The following KCNT2 variants were observed in gnomAD, a reference collection of about 807,000 sequenced individuals.
The protein encoded by KCNT2 is potassium channel subfamily T member 2.
In KCNT2, 67 loss-of-function variants were observed where a neutral mutation model predicts 153.8. The ratio of observed to expected loss-of-function variants is 0.44; its 90% CI spans 0.36 to 0.53. The LOEUF (loss-of-function observed/expected upper bound fraction) is 0.53. Ranked by LOEUF, KCNT2 falls within the 20% of genes least tolerant of loss-of-function variation. The pLI, the probability that KCNT2 is intolerant of heterozygous loss-of-function variation, is 0.00. For missense variants in KCNT2, 975 were observed against 1,354.8 expected, an observed-to-expected ratio of 0.72 and a Z score of 4.40; for synonymous variants, 500 against 458.8, an observed-to-expected ratio of 1.09 and a Z score of -1.15.
At chr1:196,373,488 G>A (rs1668701203) in intron 13 of KCNT2, among the ~76,000 whole-genome samples, 2 of 151,816 alleles carry the variant, frequency 1.3e-5, no homozygotes, top group Admixed American at 6.6e-5. Flanking sequence ...AGCAACCTTT[G>A]CTAAAATGCT....
At chr1:196,385,456 C>T (rs1037430973) in intron 13 of KCNT2, among the ~76,000 whole-genome samples, 3 of 151,974 alleles carry the variant, frequency 2.0e-5, no homozygotes, top group African/African-American at 7.3e-5. Context: ...TTGACTGAGA[C>T]GTCGTTACGC....
chr1:196,548,898 C>T (rs930461115), intron 1 of KCNT2, among the ~76,000 whole-genome samples: 2 of 151,610 alleles, frequency 1.3e-5, no homozygotes, highest in Non-Finnish European at 2.9e-5. Flanking sequence ...AGTAAACTAT[C>T]GCAAGAACAA....
At chr1:196,334,164 A>G (rs1664764973) in intron 16 of KCNT2, 104 bp from the exon 17 acceptor site, 1 of 662,582 alleles carries the variant, frequency 1.5e-6, no homozygotes, top group Non-Finnish European at 2.6e-6. Flanking sequence ...ATAAATATAT[A>G]TATAGAGAGA....
chr1:196,558,336 G>C (rs1293856891), intron 1 of KCNT2, among the ~76,000 whole-genome samples: 2 of 150,766 alleles, frequency 1.3e-5, no homozygotes, highest in African/African-American at 2.4e-5. Context: ...CATAAAGTAA[G>C]GATATATCTG....
At chr1:196,500,610 A>T (rs1163712872) in intron 1 of KCNT2, among the ~76,000 whole-genome samples, 1 of 152,202 alleles carries the variant, frequency 6.6e-6, no homozygotes, top group African/African-American at 2.4e-5. Context: ...TCTAAACCAG[A>T]TTCCTATCCA....
chr1:196,493,109 C>A lies in KCNT2; in HGVS notation c.96-768G>T, dbSNP rs569406347. On this transcript the variant is annotated intron_variant, in intron 1 of 27. Coordinates refer to ENST00000294725, the MANE Select transcript of KCNT2 (RefSeq NM_198503.5). ...AGGCACAATTAATATTTTCAAAATA[C>A]TAAGTGAAAAGAGAAATCTTGTTCA... is the stretch of plus-strand genomic sequence containing the variant. 2.0e-5 allele frequency among the ~76,000 whole-genome samples: 3 copies of A among 152,102 alleles called. No homozygotes were observed. The South Asian group carries it at 6.2e-4, about 32-fold the overall frequency.
intron 14 of KCNT2, 124 bp downstream of exon 14, chr1:196,373,016 C>G: frequency 2.6e-5 from 14 of 536,312 alleles, no homozygotes. Context: ...ATAACTCACA[C>G]AAATTCAAGT....
chr1:196,444,541 GT>G lies in KCNT2; in HGVS notation c.639-14785del, dbSNP rs529735815. On this transcript the variant is annotated intron_variant, in intron 8 of 27. Transcript: ENST00000294725. ...GACCAGTTAAAAACAAATTCTACTGGTTATAAAGAAGATTTAATAAAATTTT... is the reference window on the plus strand; with the variant it reads ...GACCAGTTAAAAACAAATTCTACTGGTATAAAGAAGATTTAATAAAATTTT... Among the ~76,000 whole-genome samples the G allele has an allele frequency of 5.3e-5, 8 of 151,296 alleles. No homozygotes were observed. The East Asian group carries it at 1.6e-3, about 30-fold the overall frequency.
intron 26 of KCNT2, among the ~76,000 whole-genome samples, chr1:196,242,517 C>T (rs1655049513): frequency 6.6e-6 from 1 of 151,974 alleles, no homozygotes; most frequent in Admixed American, 6.6e-5. Flanking sequence ...TAAGTACATA[C>T]CAAGCTTTCC....
intron 19 of KCNT2, among the ~76,000 whole-genome samples, chr1:196,322,213 ATGAT>A (rs1663390895): frequency 6.6e-6 from 1 of 151,920 alleles, no homozygotes. Flanking sequence ...AGTGGTGACA[ATGAT>A]TGACAGATTT....
intron 1 of KCNT2, among the ~76,000 whole-genome samples, chr1:196,500,468 A>T (rs975479764): frequency 1.3e-5 from 2 of 152,174 alleles, no homozygotes; most frequent in African/African-American, 4.8e-5. Flanking sequence ...ATTTATTGGT[A>T]GTAGGAGAAT....
chr1:196,521,155 A>G (rs182333232), intron 1 of KCNT2, among the ~76,000 whole-genome samples: 2 of 152,364 alleles, frequency 1.3e-5, no homozygotes, highest in Admixed American at 1.3e-4. Flanking sequence ...CAACTTTTCA[A>G]AAGAAGATAT....
At chr1:196,584,513 G>A (rs1285184963) in intron 1 of KCNT2, among the ~76,000 whole-genome samples, 3 of 152,058 alleles carry the variant, frequency 2.0e-5, no homozygotes, top group African/African-American at 4.8e-5. Context: ...AAGGGTGCAC[G>A]TATTCCAAGA....
At chr1:196,537,842 C>T (rs1327677446) in intron 1 of KCNT2, among the ~76,000 whole-genome samples, 1 of 152,168 alleles carries the variant, frequency 6.6e-6, no homozygotes, top group Admixed American at 6.5e-5. Flanking sequence ...TCTTATCTCT[C>T]GTGGGGGCGG....
intron 14 of KCNT2, among the ~76,000 whole-genome samples, chr1:196,347,400 G>A (rs546001406): frequency 7.0e-4 from 106 of 152,090 alleles, no homozygotes; most frequent in Admixed American, 2.8e-3. Context: ...TTCTTATAGC[G>A]GCAAATCTTT....
intron 1 of KCNT2, among the ~76,000 whole-genome samples, chr1:196,550,203 T>G (rs1437114851): frequency 6.6e-6 from 1 of 151,842 alleles, no homozygotes; most frequent in Non-Finnish European, 1.5e-5. Context: ...GTTTAAAGGA[T>G]AAAAAAGTAT....
chr1:196,600,576 TGG>T (rs990972720), intron 1 of KCNT2, among the ~76,000 whole-genome samples: 2 of 152,202 alleles, frequency 1.3e-5, no homozygotes, highest in African/African-American at 4.8e-5. Context: ...TTATGATGTG[TGG>T]TGAATTTCTT....
Position 196,574,079 on chromosome 1 carries a change from C to G in KCNT2, c.95+34136G>C, listed in dbSNP as rs549217929. Among the ~76,000 whole-genome samples, 146 of 152,010 alleles carry G rather than the reference C, an allele frequency of 9.6e-4. 1 individual carries two copies. The highest frequency in any genetic ancestry group is 3.4e-3 in the Middle Eastern group (1 of 294). ...CTGAATCTCAACTTCATCATAGTTA[C>G]ATGGTCTTAATTAAATCATTTACTT... On this transcript the variant is annotated intron_variant, in intron 1 of 27. Transcript: ENST00000294725.
chr1:196,392,639 T>C (rs1670590077), intron 13 of KCNT2, among the ~76,000 whole-genome samples: 1 of 151,340 alleles, frequency 6.6e-6, no homozygotes, highest in Non-Finnish European at 1.5e-5. Flanking sequence ...ATTTTCCCAC[T>C]CTCTTTCTTG....
Sources: allele counts gnomAD v4.1 joint callset (sites outside exome capture counted in the v4.1 genomes callset), GRCh38; gene constraint gnomAD v4.1.1; transcripts MANE v1.5; gene names NCBI Gene and HGNC (gene_info 2026-07-23, HGNC 2026-07-21).